The following DENND1B variants were observed in gnomAD, a reference collection of about 807,000 sequenced individuals.
DENND1B encodes the protein DENN domain containing 1B, also known as DENN domain-containing protein 1B.
Under a neutral mutation model 90.1 loss-of-function variants are expected in DENND1B, and 59 were observed. That is an observed-to-expected ratio of 0.65 (90% CI 0.53 to 0.81). DENND1B has a LOEUF of 0.81. Among genes scored for constraint, DENND1B ranks in the 40% least tolerant of loss-of-function variants. DENND1B has a pLI of 0.00. For synonymous variants in DENND1B, 337 were observed against 324.6 expected, an observed-to-expected ratio of 1.04 and a Z score of -0.41; for missense variants, 862 against 912.6, an observed-to-expected ratio of 0.94 and a Z score of 0.71.
intron 21 of DENND1B, among the ~76,000 whole-genome samples, chr1:197,512,647 CATT>C (rs2125593986): frequency 6.6e-6 from 1 of 151,688 alleles, no homozygotes; most frequent in South Asian, 2.1e-4. Flanking sequence ...TCTCTGTAGA[CATT>C]ATTGCTTTCC....
At chr1:197,585,235 A>G (rs1674598407) in intron 14 of DENND1B, among the ~76,000 whole-genome samples, 1 of 152,232 alleles carries the variant, frequency 6.6e-6, no homozygotes, top group Non-Finnish European at 1.5e-5. Context: ...AAATAAAAAT[A>G]GCAAATGAGC....
At chr1:197,777,988 T>G (rs1352807223), upstream of DENND1B, among the ~76,000 whole-genome samples, 1 of 152,174 alleles carries the variant, frequency 6.6e-6, no homozygotes, top group Non-Finnish European at 1.5e-5. Context: ...ATTCAATTAA[T>G]GGGAGAGATG....
chr1:197,692,850 C>T (rs1204548082), intron 3 of DENND1B, among the ~76,000 whole-genome samples: 4 of 151,654 alleles, frequency 2.6e-5, no homozygotes, highest in African/African-American at 9.7e-5. Flanking sequence ...TTTCCCTAAA[C>T]TTTGCCTGGT....
At chr1:197,676,416 T>A (rs1480012470) in intron 3 of DENND1B, among the ~76,000 whole-genome samples, 1 of 152,018 alleles carries the variant, frequency 6.6e-6, no homozygotes, top group Non-Finnish European at 1.5e-5. Flanking sequence ...GTTTTTAATA[T>A]GACACATATA....
At chr1:197,611,875 TA>T (rs1193286516) in intron 12 of DENND1B, 55 bp downstream of exon 12, 2 of 1,496,732 alleles carry the variant, frequency 1.3e-6, no homozygotes, top group Non-Finnish European at 1.9e-6. Context: ...AAAACTGTTT[TA>T]ACTATTATTT....
At chr1:197,539,171 G>A (rs184521134) in intron 20 of DENND1B, among the ~76,000 whole-genome samples, 147 of 152,204 alleles carry the variant, frequency 9.7e-4, no homozygotes, top group South Asian at 1.7e-3. Context: ...ATGGCTTTTC[G>A]CCTCCTTCTG....
chr1:197,586,201 A>G (rs867007690), intron 14 of DENND1B, among the ~76,000 whole-genome samples: 14 of 152,194 alleles, frequency 9.2e-5, no homozygotes, highest in African/African-American at 3.4e-4. Context: ...ATTGCAATAG[A>G]CTGAATACGG....
At chr1:197,642,057 G>A (rs1680315215) in intron 10 of DENND1B, among the ~76,000 whole-genome samples, 1 of 151,742 alleles carries the variant, frequency 6.6e-6, no homozygotes, top group African/African-American at 2.4e-5. Context: ...GCTTAAATGA[G>A]AAAAAAATTA....
At chr1:197,746,712 A>T (rs1055088600) in intron 2 of DENND1B, 6 of 885,152 alleles carry the variant, frequency 6.8e-6, no homozygotes, top group Admixed American at 5.5e-5. Context: ...TAAATTGAGC[A>T]TTTGAGTCCA....
chr1:197,776,161 T>A (rs1336000063), upstream of DENND1B, among the ~76,000 whole-genome samples: 2 of 152,148 alleles, frequency 1.3e-5, no homozygotes, highest in Non-Finnish European at 2.9e-5. Flanking sequence ...CACCACTGAA[T>A]AAGCGTGGGA....
intron 21 of DENND1B, 136 bp from the exon 22 acceptor site, chr1:197,512,080 C>T: frequency 1.6e-6 from 1 of 643,664 alleles, no homozygotes. Context: ...AAATTCTTTA[C>T]CGTGATGTGT....
intron 16 of DENND1B, chr1:197,552,339 AT>A: frequency 1.0e-6 from 1 of 985,508 alleles, no homozygotes; most frequent in Non-Finnish European, 1.2e-6. Context: ...CAAATAATGA[AT>A]GAACACGACA....
chr1:197,726,205 G>A (rs545523319), intron 2 of DENND1B, among the ~76,000 whole-genome samples: 1 of 152,138 alleles, frequency 6.6e-6, no homozygotes, highest in South Asian at 2.1e-4. Flanking sequence ...GATTATAGTG[G>A]GTGTTTTATG....
chr1:197,773,508 T>G (rs1023705873), intron 1 of DENND1B, among the ~76,000 whole-genome samples: 1 of 152,200 alleles, frequency 6.6e-6, no homozygotes, highest in African/African-American at 2.4e-5. Flanking sequence ...TAAAATGTAT[T>G]TACTGTACTT....
intron 14 of DENND1B, among the ~76,000 whole-genome samples, chr1:197,585,504 G>T (rs1674621136): frequency 6.6e-6 from 1 of 152,178 alleles, no homozygotes; most frequent in South Asian, 2.1e-4. Context: ...TAGCCTATGT[G>T]AATTAAGCTA....
intron 4 of DENND1B, among the ~76,000 whole-genome samples, chr1:197,673,340 C>T (rs1340028030): frequency 1.3e-5 from 2 of 151,986 alleles, no homozygotes; most frequent in Non-Finnish European, 2.9e-5. Context: ...ATCAACAATG[C>T]TTATTAGTAC....
chr1:197,573,924 A>C (rs1401008468), intron 15 of DENND1B, among the ~76,000 whole-genome samples: 2 of 152,216 alleles, frequency 1.3e-5, no homozygotes, highest in Non-Finnish European at 2.9e-5. Context: ...AAAACTCGCA[A>C]TAAGGTATTG....
chr1:197,561,420 T>C (rs2111932), intron 15 of DENND1B, among the ~76,000 whole-genome samples: 2,560 of 152,002 alleles, frequency 0.017, 79 homozygotes, highest in African/African-American at 0.059. Context: ...CTGTCCTACC[T>C]AATTGTTCAT....
At chr1:197,638,816 G>A (rs1196303910) in intron 10 of DENND1B, among the ~76,000 whole-genome samples, 3 of 151,930 alleles carry the variant, frequency 2.0e-5, no homozygotes, top group African/African-American at 2.4e-5. Flanking sequence ...ACCAGAAACC[G>A]TTCCATGTGT....
Sources: gnomAD v4.1 joint callset for allele counts (sites outside exome capture counted in the v4.1 genomes callset) on GRCh38, gnomAD v4.1.1 for gene constraint, MANE v1.5 for transcripts, NCBI Gene and HGNC (gene_info 2026-07-23, HGNC 2026-07-21) for gene names.